The following NOTCH2 variants were observed in gnomAD, a reference collection of about 807,000 sequenced individuals.
NOTCH2 encodes the protein neurogenic locus notch homolog protein 2.
A neutral mutation model predicts 235.8 loss-of-function variants in NOTCH2; 29 were observed. The ratio of observed to expected loss-of-function variants is 0.12; its 90% CI spans 0.09 to 0.17. The LOEUF (loss-of-function observed/expected upper bound fraction) is 0.17. Among genes scored for constraint, NOTCH2 ranks in the 10% least tolerant of loss-of-function variants. NOTCH2 has a pLI of 1.00. For missense variants in NOTCH2, 2,285 were observed against 3,150.2 expected (o/e 0.73, Z 6.57); for synonymous variants, 1,086 against 1,141.5 (o/e 0.95, Z 0.98).
intron 23 of NOTCH2, among the ~76,000 whole-genome samples, chr1:119,928,302 T>G (rs772290350): frequency 6.6e-6 from 1 of 152,198 alleles, no homozygotes; most frequent in Non-Finnish European, 1.5e-5. Flanking sequence ...TTGTGACCAC[T>G]GCAACTTTTC....
At chr1:119,932,484 C>A (rs980431575) in intron 22 of NOTCH2, among the ~76,000 whole-genome samples, 2 of 152,008 alleles carry the variant, frequency 1.3e-5, no homozygotes, top group South Asian at 4.1e-4. Context: ...CTACTCAGGG[C>A]GCTGAGGCAG....
intron 2 of NOTCH2, among the ~76,000 whole-genome samples, chr1:120,011,074 A>G (rs1387552073): frequency 6.6e-6 from 1 of 152,224 alleles, no homozygotes; most frequent in African/African-American, 2.4e-5. Context: ...GCAAAACCGT[A>G]GAGATAGAAA....
intron 1 of NOTCH2, among the ~76,000 whole-genome samples, chr1:120,039,419 T>TG (rs1471502403): frequency 6.7e-6 from 1 of 149,746 alleles, no homozygotes; most frequent in African/African-American, 2.5e-5. Context: ...CTTTTTTTTT[T>TG]TTTTTTTGAG....
rs2493393 is a variant in NOTCH2, at chr1:119,928,801, C to T, written c.3892+175G>A. 0.98 allele frequency among the ~76,000 whole-genome samples: 148,957 copies of T among 152,316 alleles called. 72,918 individuals are homozygous for T. The highest frequency in any genetic ancestry group is 1 in the East Asian group (5,186 of 5,186). Reference sequence around the variant, plus strand: ...GGAAAAATTAAAGGTAGACACTGATCATAACATCCATAAAGTACAGACTAA... The same window carrying T: ...GGAAAAATTAAAGGTAGACACTGATTATAACATCCATAAAGTACAGACTAA... On this transcript the variant is annotated intron_variant, in intron 23 of 33. Transcript: ENST00000256646.
In NOTCH2 at chr1:119,949,038, A is replaced by C; in HGVS notation, c.2568T>G (p.Ser856Arg). 1 of 1,614,138 alleles carries C rather than the reference A, an allele frequency of 6.2e-7. No homozygotes were observed. The highest frequency in any genetic ancestry group is 8.5e-7 in the Non-Finnish European group (1 of 1,180,020). Residue 856 changes from serine (S) to arginine (R), a missense_variant, in exon 16 of 34, where the codon AGT becomes AGG. By Grantham distance (110) the Ser-to-Arg change is moderately radical. Around this residue, in one of 6 missense-constraint regions of NOTCH2, gnomAD observed 1,173 missense variants for 1,515.3 expected, o/e 0.77. Coordinates refer to ENST00000256646, the MANE Select transcript of NOTCH2 (RefSeq NM_024408.4). Reference sequence around the variant, plus strand: ...AGCCAGGAGCACACAAGCAAGTATAACTCTCAAAATTTGGTGACTCTTTGC... The same window carrying C: ...AGCCAGGAGCACACAAGCAAGTATACCTCTCAAAATTTGGTGACTCTTTGC... The part of the protein sequence containing the change: ...AVCKESPNFE[S>R]YTCLCAPGWQ...
rs587714964 is a variant in NOTCH2, at chr1:120,043,195, C to T, written c.74-13208G>A. Reference sequence around the variant, plus strand: ...CTGATTTCCATCTACATTCCTCCACCCAAGTCTACAAAGCATTCTATGGCT... The same window carrying T: ...CTGATTTCCATCTACATTCCTCCACTCAAGTCTACAAAGCATTCTATGGCT... On this transcript the variant is annotated intron_variant, in intron 1 of 33. Coordinates refer to ENST00000256646, the MANE Select transcript of NOTCH2 (RefSeq NM_024408.4). Among the ~76,000 whole-genome samples the T allele has an allele frequency of 2.0e-4, 30 of 147,268 alleles. 3 individuals carry two copies. The East Asian group carries it at 4.5e-3, about 22-fold the overall frequency.
At chr1:120,063,226 A>G (rs1655377133) in intron 1 of NOTCH2, among the ~76,000 whole-genome samples, 1 of 151,936 alleles carries the variant, frequency 6.6e-6, no homozygotes, top group Non-Finnish European at 1.5e-5. Context: ...TCCTTATTTC[A>G]TTTGCTGCAG....
At chr1:119,925,859 C>G in intron 24 of NOTCH2, 49 bp from the exon 25 acceptor site, 1 of 1,607,526 alleles carries the variant, frequency 6.2e-7, no homozygotes, top group East Asian at 2.2e-5. Flanking sequence ...GGAAAACAGT[C>G]ATATTGGAAG....
intron 4 of NOTCH2, chr1:119,996,761 A>T (rs1652469999): frequency 3.1e-6 from 3 of 964,970 alleles, no homozygotes; most frequent in Non-Finnish European, 3.4e-6. Flanking sequence ...AAAAGGGACA[A>T]TAAACAATTT....
At chr1:120,041,848 G>GAGAAAAGAA (rs1329477238) in intron 1 of NOTCH2, among the ~76,000 whole-genome samples, 25 of 107,742 alleles carry the variant, frequency 2.3e-4, no homozygotes, top group African/African-American at 9.0e-4. Context: ...AAGAGAGAGA[G>GAGAAAAGAA]AGAAAAGAAA....
At chr1:119,916,770 A>AT in intron 33 of NOTCH2, 76 bp from the exon 34 acceptor site, 1 of 1,405,458 alleles carries the variant, frequency 7.1e-7, no homozygotes, top group Non-Finnish European at 9.9e-7. Flanking sequence ...AATCTTTTTT[A>AT]TTATCACCCC....
At chr1:119,950,555 A>G in intron 15 of NOTCH2, 169 bp downstream of exon 15, 1 of 706,692 alleles carries the variant, frequency 1.4e-6, no homozygotes, top group South Asian at 1.5e-5. Context: ...AGGAGGCCAC[A>G]ATGTTTCCTC....
intron 1 of NOTCH2, among the ~76,000 whole-genome samples, chr1:120,031,185 AGCCCAGGTGCAAG>A (rs1654076112): frequency 2.1e-5 from 3 of 144,638 alleles, no homozygotes; most frequent in Non-Finnish European, 3.1e-5. Context: ...CGAAACCAGT[AGCCCAGGTGCAAG>A]CTGGATGTCA....
chr1:119,919,256 A>C, intron 31 of NOTCH2, 56 bp downstream of exon 31: 1 of 1,513,544 alleles, frequency 6.6e-7, no homozygotes, highest in Non-Finnish European at 9.1e-7. Flanking sequence ...AAAAACGATA[A>C]AACATTATAG....
intron 33 of NOTCH2, among the ~76,000 whole-genome samples, chr1:119,916,911 C>CA (rs1001483416): frequency 9.9e-5 from 15 of 152,108 alleles, no homozygotes; most frequent in Admixed American, 2.6e-4. Context: ...CACCTCTCCT[C>CA]AAAAAAACAA....
At chr1:119,952,463 T>C (rs1650516877) in intron 14 of NOTCH2, among the ~76,000 whole-genome samples, 1 of 152,204 alleles carries the variant, frequency 6.6e-6, no homozygotes, top group African/African-American at 2.4e-5. Flanking sequence ...TTCCTGCCAC[T>C]AGACAGTCCC....
At chr1:120,061,063 G>A (rs2794147) in intron 1 of NOTCH2, among the ~76,000 whole-genome samples, 4,106 of 118,232 alleles carry the variant, frequency 0.035, no homozygotes, top group East Asian at 0.11. Flanking sequence ...TCTTGACAGC[G>A]TCTGAACCAA....
At chr1:119,956,232 G>A (rs1456614986) in intron 12 of NOTCH2, among the ~76,000 whole-genome samples, 1 of 152,124 alleles carries the variant, frequency 6.6e-6, no homozygotes, top group Non-Finnish European at 1.5e-5. Flanking sequence ...GAGTAACTGA[G>A]ATTTAACTAT....
At chr1:119,957,299 C>T (rs587727195) in intron 12 of NOTCH2, among the ~76,000 whole-genome samples, 1 of 152,262 alleles carries the variant, frequency 6.6e-6, no homozygotes, top group South Asian at 2.1e-4. Context: ...GTAGAACTTC[C>T]TTTCTGGATT....
Sources: gnomAD v4.1 joint callset for allele counts (sites outside exome capture counted in the v4.1 genomes callset) on GRCh38, gnomAD v4.1.1 for gene constraint, gnomAD v4.1.1 regional missense constraint, MANE v1.5 for transcripts, NCBI Gene and HGNC (gene_info 2026-07-23, HGNC 2026-07-21) for gene names.